Variants in CCBE1 observed in about 807,000 individuals in gnomAD.
The protein encoded by CCBE1 is collagen and calcium-binding EGF domain-containing protein 1.
A neutral mutation model predicts 50.0 loss-of-function variants in CCBE1; 37 were observed. The ratio of observed to expected loss-of-function variants is 0.74; its 90% CI spans 0.57 to 0.97. The LOEUF is 0.97. Among genes scored for constraint, CCBE1 ranks in the 50% least tolerant of loss-of-function variants. CCBE1 has a pLI of 0.00. For missense variants in CCBE1, 538 were observed against 523.8 expected, an observed-to-expected ratio of 1.03 and a Z score of -0.26; for synonymous variants, 234 against 203.7, an observed-to-expected ratio of 1.15 and a Z score of -1.27.
At chr18:59,450,991 C>T (rs1910903586) in intron 6 of CCBE1, among the ~76,000 whole-genome samples, 1 of 152,230 alleles carries the variant, frequency 6.6e-6, no homozygotes, top group Non-Finnish European at 1.5e-5. Flanking sequence ...AATGTACTCA[C>T]TTGAAATCCT....
At chr18:59,695,130 T>C (rs1350456283) in intron 2 of CCBE1, among the ~76,000 whole-genome samples, 4 of 152,210 alleles carry the variant, frequency 2.6e-5, no homozygotes, top group African/African-American at 9.7e-5. Flanking sequence ...GTCACTGATT[T>C]ATGTGAAGTC....
intron 2 of CCBE1, among the ~76,000 whole-genome samples, chr18:59,597,561 AAGTAGT>A (rs74536172): frequency 2.0e-5 from 3 of 151,446 alleles, no homozygotes; most frequent in African/African-American, 7.3e-5. Context: ...ACTACAAAAA[AAGTAGT>A]AGTAGTAGTA....
At chr18:59,496,601 C>T (rs1438891641) in intron 2 of CCBE1, among the ~76,000 whole-genome samples, 6 of 152,260 alleles carry the variant, frequency 3.9e-5, no homozygotes, top group East Asian at 1.9e-4. Flanking sequence ...TCACCTTTAC[C>T]ATCTTCTGCC....
At chr18:59,521,262 G>A (rs12966739) in intron 2 of CCBE1, among the ~76,000 whole-genome samples, 20,017 of 152,164 alleles carry the variant, frequency 0.13, 3,263 homozygotes, top group African/African-American at 0.38. Flanking sequence ...ACTCTGACAC[G>A]GAGATTTATC....
At chr18:59,453,397 T>C (rs1911031560) in intron 6 of CCBE1, among the ~76,000 whole-genome samples, 1 of 152,270 alleles carries the variant, frequency 6.6e-6, no homozygotes, top group East Asian at 1.9e-4. Flanking sequence ...TATGTCTCTG[T>C]GTTTATAGTG....
intron 2 of CCBE1, among the ~76,000 whole-genome samples, chr18:59,619,393 A>G (rs1454584887): frequency 6.6e-6 from 1 of 152,224 alleles, no homozygotes; most frequent in East Asian, 1.9e-4. Flanking sequence ...ATCAGGCCAC[A>G]CTACAACCTT....
chr18:59,525,969 C>A (rs993085031), intron 2 of CCBE1, among the ~76,000 whole-genome samples: 2 of 152,120 alleles, frequency 1.3e-5, no homozygotes, highest in African/African-American at 4.8e-5. Flanking sequence ...GTACCAGTAC[C>A]ATGCTGTTTT....
chr18:59,630,415 T>C (rs1325611767), intron 2 of CCBE1, among the ~76,000 whole-genome samples: 1 of 152,252 alleles, frequency 6.6e-6, no homozygotes, highest in Non-Finnish European at 1.5e-5. Flanking sequence ...CAATTTGCTC[T>C]AAAATTCAGT....
chr18:59,630,363 G>A (rs1021715414), intron 2 of CCBE1, among the ~76,000 whole-genome samples: 4 of 152,126 alleles, frequency 2.6e-5, no homozygotes, highest in Admixed American at 6.5e-5. Context: ...AATTAGAAAT[G>A]TATTTGGTCT....
chr18:59,697,167 G>C, intron 1 of CCBE1, 45 bp downstream of exon 1: 1 of 1,546,344 alleles, frequency 6.5e-7, no homozygotes, highest in South Asian at 1.2e-5. Context: ...AGCCGGGCGC[G>C]CATCAAGCAG....
intron 2 of CCBE1, among the ~76,000 whole-genome samples, chr18:59,581,677 G>A (rs2851862): frequency 0.18 from 26,780 of 152,084 alleles, 3,682 homozygotes; most frequent in African/African-American, 0.39. Context: ...CTACAGCATT[G>A]TCTACTTCTG....
At chr18:59,622,121 T>C (rs895587635) in intron 2 of CCBE1, among the ~76,000 whole-genome samples, 2 of 152,214 alleles carry the variant, frequency 1.3e-5, no homozygotes, top group African/African-American at 4.8e-5. Flanking sequence ...CAAGTGATTT[T>C]CTCTTCCATG....
intron 2 of CCBE1, among the ~76,000 whole-genome samples, chr18:59,523,920 G>A (rs751283096): frequency 2.0e-5 from 3 of 152,190 alleles, no homozygotes; most frequent in Non-Finnish European, 2.9e-5. Context: ...AGATGTATTT[G>A]ATTTAAAGAA....
intron 2 of CCBE1, among the ~76,000 whole-genome samples, chr18:59,633,439 G>A (rs554535476): frequency 1.6e-4 from 25 of 152,212 alleles, no homozygotes; most frequent in Admixed American, 4.6e-4. Context: ...AAATTCAGGC[G>A]TATTGTTTCA....
intron 2 of CCBE1, among the ~76,000 whole-genome samples, chr18:59,583,674 TGTGTGTGCGCGCGCGCGCGCGCGCGC>T (rs1344734882): frequency 8.4e-5 from 11 of 131,366 alleles, no homozygotes; most frequent in Non-Finnish European, 1.5e-4. Flanking sequence ...TGTGTGTGTG[TGTGTGTGCGCGCGCGCGCGCGCGCGC>T]GTGTGTGTGT....
rs1484712577 is a variant in CCBE1, at chr18:59,658,333, A to T, written c.212+38296T>A. Among the ~76,000 whole-genome samples, 43 of 26,228 alleles carry T rather than the reference A, an allele frequency of 1.6e-3. 4 individuals are homozygous for T. The highest frequency in any genetic ancestry group is 1.9e-3 in the Non-Finnish European group (29 of 15,250). The allele number at this position is 26,228 out of a possible 152,430, so 17.2% of individuals were successfully genotyped here. A position where few individuals can be genotyped will look rare whatever the true frequency, so the allele number is the denominator to read the frequency against. The stretch of plus-strand genomic sequence containing the variant: ...AAGACCCTGTCTCTAAAAAAAAAAA[A>T]AAAAAAAAAAAAAAAAAAAAAATAT... On this transcript the variant is annotated intron_variant, in intron 2 of 10. Coordinates refer to ENST00000439986, the MANE Select transcript of CCBE1 (RefSeq NM_133459.4).
intron 6 of CCBE1, among the ~76,000 whole-genome samples, chr18:59,452,408 T>C (rs1910980885): frequency 6.6e-6 from 1 of 152,080 alleles, no homozygotes; most frequent in Admixed American, 6.6e-5. Flanking sequence ...CTGGCCAACA[T>C]AGAGAAACCC....
chr18:59,485,536 T>C (rs377468366), intron 2 of CCBE1, among the ~76,000 whole-genome samples: 2 of 152,056 alleles, frequency 1.3e-5, no homozygotes, highest in Admixed American at 6.5e-5. Context: ...TATTATTTAT[T>C]TGGGGTTTTC....
chr18:59,539,766 A>T (rs1241038071), intron 2 of CCBE1, among the ~76,000 whole-genome samples: 1 of 152,234 alleles, frequency 6.6e-6, no homozygotes, highest in Non-Finnish European at 1.5e-5. Context: ...CAAAATTTAC[A>T]TTGCATGAAT....
Sources: gnomAD v4.1 joint callset for allele counts (sites outside exome capture counted in the v4.1 genomes callset) on GRCh38, gnomAD v4.1.1 for gene constraint, MANE v1.5 for transcripts, NCBI Gene and HGNC (gene_info 2026-07-23, HGNC 2026-07-21) for gene names.